The following ST6GAL2 variants were observed in gnomAD, a reference collection of about 807,000 sequenced individuals.
ST6GAL2 encodes ST6 beta-galactoside alpha-2,6-sialyltransferase 2.
In ST6GAL2, 24 loss-of-function variants were observed where a neutral mutation model predicts 37.5. The ratio of observed to expected loss-of-function variants is 0.64; its 90% CI spans 0.46 to 0.90. ST6GAL2 has a LOEUF of 0.90. Among genes scored for constraint, ST6GAL2 ranks in the 40% least tolerant of loss-of-function variants. The probability of loss-of-function intolerance (pLI) is 0.00; values close to 1 mark genes in which losing one functional copy is unlikely to be tolerated. For missense variants in ST6GAL2, 715 were observed against 712.7 expected, an observed-to-expected ratio of 1.00 and a Z score of -0.04; for synonymous variants, 306 against 295.1, an observed-to-expected ratio of 1.04 and a Z score of -0.38.
Position 106,802,370 on chromosome 2 carries a change from A to C in ST6GAL2, c.*4308T>G, listed in dbSNP as rs1235208325. On this transcript the variant is annotated 3_prime_UTR_variant, in exon 6 of 6. Coordinates refer to ENST00000409382, the MANE Select transcript of ST6GAL2 (RefSeq NM_001142351.2). The stretch of plus-strand genomic sequence containing the variant: ...AACTATATCTACATGTACACTTTTC[A>C]TACTAAGAACTAGATCAATGTCTTT... 4 of 152,200 alleles carry C rather than the reference A, an allele frequency of 2.6e-5. No individual in the cohort carries two copies. The highest frequency in any genetic ancestry group is 6.5e-5 in the Admixed American group (1 of 15,278). The allele number at this position is 152,200 out of a possible 1,614,324, so 9.4% of individuals were successfully genotyped here. A position where few individuals can be genotyped will look rare whatever the true frequency, so the allele number is the denominator to read the frequency against.
At chr2:106,825,037 A>C (rs1209942994) in intron 5 of ST6GAL2, 1 of 152,142 alleles carries the variant, frequency 6.6e-6, no homozygotes, top group African/African-American at 2.4e-5. Flanking sequence ...CAACTCAAAA[A>C]CACTAGGGGT....
chr2:106,855,058 T>C (rs184221824), intron 1 of ST6GAL2, among the ~76,000 whole-genome samples: 1 of 152,340 alleles, frequency 6.6e-6, no homozygotes, highest in Non-Finnish European at 1.5e-5. Flanking sequence ...TATGCTGCTA[T>C]AATTCAGCAA....
At chr2:106,840,892 A>G (rs1003194760) in intron 2 of ST6GAL2, among the ~76,000 whole-genome samples, 4 of 152,238 alleles carry the variant, frequency 2.6e-5, no homozygotes, top group African/African-American at 9.6e-5. Context: ...TGCCTGCTTC[A>G]AGCATAATAC....
intron 5 of ST6GAL2, among the ~76,000 whole-genome samples, chr2:106,824,276 T>G (rs568014074): frequency 6.6e-6 from 1 of 152,314 alleles, no homozygotes; most frequent in Non-Finnish European, 1.5e-5. Flanking sequence ...GCAAGTAAAT[T>G]TTATAGTTAT....
At chr2:106,870,986 G>A (rs1056770974) in intron 1 of ST6GAL2, among the ~76,000 whole-genome samples, 2 of 152,100 alleles carry the variant, frequency 1.3e-5, no homozygotes, top group African/African-American at 4.8e-5. Flanking sequence ...TCTGAGAAAT[G>A]CATCCTTGGG....
intron 5 of ST6GAL2, among the ~76,000 whole-genome samples, chr2:106,810,505 G>A (rs1675563168): frequency 6.6e-6 from 1 of 152,108 alleles, no homozygotes; most frequent in Non-Finnish European, 1.5e-5. Flanking sequence ...ATGAATTGGT[G>A]GCTTCCTGAA....
intron 1 of ST6GAL2, among the ~76,000 whole-genome samples, chr2:106,869,158 A>AC (rs1326239524): frequency 6.6e-6 from 1 of 152,104 alleles, no homozygotes; most frequent in African/African-American, 2.4e-5. Context: ...AGAATATTCC[A>AC]CAAGTACAAG....
At position 106,836,930 on chromosome 2, in the gene ST6GAL2, G is replaced by A. The variant is rs1446128960; in HGVS notation, c.944-2784C>T. On this transcript the variant is annotated intron_variant, in intron 2 of 5. Transcript: ENST00000409382. Reference sequence around the variant, plus strand: ...TTACACTACAACCTGAGCAACAGGAGCAAAATTCCATCTCAAAAAAAAAAA... The same window carrying A: ...TTACACTACAACCTGAGCAACAGGAACAAAATTCCATCTCAAAAAAAAAAA... Among the ~76,000 whole-genome samples the A allele has an allele frequency of 6.2e-5, 7 of 112,590 alleles. No homozygotes were observed. In the South Asian group the frequency reaches 1.5e-3, roughly 24 times the overall value. The allele number at this position is 112,590 out of a possible 152,430, so 73.9% of individuals were successfully genotyped here. A position where few individuals can be genotyped will look rare whatever the true frequency, so the allele number is the denominator to read the frequency against.
chr2:106,877,425 G>A (rs1385225525), intron 1 of ST6GAL2, among the ~76,000 whole-genome samples: 1 of 152,214 alleles, frequency 6.6e-6, no homozygotes, highest in East Asian at 1.9e-4. Flanking sequence ...CACCTTCGTT[G>A]TGTGCAATGA....
chr2:106,816,891 G>T (rs1443739025), intron 5 of ST6GAL2, among the ~76,000 whole-genome samples: 1 of 152,192 alleles, frequency 6.6e-6, no homozygotes, highest in African/African-American at 2.4e-5. Context: ...GCAGGGAGGA[G>T]AATCTGTGCA....
Position 106,811,853 on chromosome 2 carries a change from T to G in ST6GAL2, c.1319-4904A>C, listed in dbSNP as rs138056233. On this transcript the variant is annotated intron_variant, in intron 5 of 5. Coordinates refer to ENST00000409382, the MANE Select transcript of ST6GAL2 (RefSeq NM_001142351.2). ...CATAGGGTTTTACTCACGATGATGATTTATACAAAATGATACGAAGCAAAA... is the reference window on the plus strand; with the variant it reads ...CATAGGGTTTTACTCACGATGATGAGTTATACAAAATGATACGAAGCAAAA... Among the ~76,000 whole-genome samples, 332 of 152,192 alleles carry G rather than the reference T, an allele frequency of 2.2e-3. 2 individuals are homozygous for G. Among genetic ancestry groups the G allele is most frequent in the African/African-American group, 7.8e-3 (323 of 41,522 alleles).
At chr2:106,838,196 G>A (rs1676725966) in intron 2 of ST6GAL2, among the ~76,000 whole-genome samples, 1 of 152,240 alleles carries the variant, frequency 6.6e-6, no homozygotes, top group African/African-American at 2.4e-5. Context: ...CATTTCTGGA[G>A]AAGGCATTTC....
At position 106,843,609 on chromosome 2, in the gene ST6GAL2, A is replaced by G; in HGVS notation, c.369T>C (p.Ala123=). The stretch of plus-strand genomic sequence containing the variant: ...AGTAGTCGTCATCCTCCGGGTAGAA[A>G]GCACTTTGAGATTTTCTCCCCACCT... ...SSQVGRKSQS[A]FYPEDDDYFF... is the part of the protein sequence containing the mutation. Residue 123 remains alanine, a synonymous_variant, in exon 2 of 6, where the codon GCT becomes GCC. Coordinates refer to ENST00000409382, the MANE Select transcript of ST6GAL2 (RefSeq NM_001142351.2). 1.2e-6 allele frequency: 2 copies of G among 1,614,016 alleles called. No individual in the cohort carries two copies. Among genetic ancestry groups the G allele is most frequent in the African/African-American group, 2.7e-5 (2 of 75,070 alleles).
chr2:106,848,219 G>A lies in ST6GAL2; in HGVS notation c.-57-4185C>T, dbSNP rs576209724. ...GATCTTTCTGGTGATCAGAGCCCAA[G>A]CTGAAGCTATCTGGGGACAAAGTGA... On this transcript the variant is annotated intron_variant, in intron 1 of 5. Transcript: ENST00000409382. Among the ~76,000 whole-genome samples, 3 of 152,082 alleles carry A rather than the reference G, an allele frequency of 2.0e-5. No individual in the cohort carries two copies. In the South Asian group the frequency reaches 6.2e-4, roughly 32 times the overall value.
intron 5 of ST6GAL2, among the ~76,000 whole-genome samples, chr2:106,822,270 G>A (rs777773222): frequency 4.0e-5 from 6 of 151,862 alleles, no homozygotes; most frequent in South Asian, 2.1e-4. Context: ...TAAAGACTCC[G>A]CCAAAAAACT....
chr2:106,845,351 G>C (rs1677101091), intron 1 of ST6GAL2, among the ~76,000 whole-genome samples: 1 of 152,216 alleles, frequency 6.6e-6, no homozygotes, highest in Non-Finnish European at 1.5e-5. Context: ...TTATGCATTG[G>C]TTCCATGGGC....
At chr2:106,847,889 T>A (rs188101877) in intron 1 of ST6GAL2, among the ~76,000 whole-genome samples, 9 of 152,158 alleles carry the variant, frequency 5.9e-5, no homozygotes, top group Non-Finnish European at 1.2e-4. Flanking sequence ...AACCCCAGAA[T>A]CTAGAGTTGT....
intron 1 of ST6GAL2, among the ~76,000 whole-genome samples, chr2:106,884,628 T>A (rs535743741): frequency 1.3e-5 from 2 of 152,278 alleles, no homozygotes; most frequent in East Asian, 3.9e-4. Context: ...TTGTATCTAT[T>A]GCGGCAAAAA....
At chr2:106,859,902 G>A (rs1333539715) in intron 1 of ST6GAL2, among the ~76,000 whole-genome samples, 3 of 151,442 alleles carry the variant, frequency 2.0e-5, no homozygotes, top group Admixed American at 1.3e-4. Flanking sequence ...ATTACCCTTT[G>A]CCGTGGCCTA....
Sources: gnomAD v4.1 joint callset for allele counts (sites outside exome capture counted in the v4.1 genomes callset) on GRCh38, gnomAD v4.1.1 for gene constraint, MANE v1.5 for transcripts, NCBI Gene and HGNC (gene_info 2026-07-23, HGNC 2026-07-21) for gene names.